The following FGF1 variants were observed in gnomAD, a reference collection of about 807,000 sequenced individuals.
FGF1 encodes the protein fibroblast growth factor 1.
A neutral mutation model predicts 13.4 loss-of-function variants in FGF1; 9 were observed. The ratio of observed to expected loss-of-function variants is 0.67; its 90% CI spans 0.40 to 1.17. FGF1 has a LOEUF of 1.17. Ranked by LOEUF, FGF1 falls within the 50% of genes most tolerant of loss-of-function variation. The pLI is 0.01. For missense variants in FGF1, 156 were observed against 192.7 expected, an observed-to-expected ratio of 0.81 and a Z score of 1.13; for synonymous variants, 93 against 79.0, an observed-to-expected ratio of 1.18 and a Z score of -0.94.
intron 1 of FGF1, chr5:142,680,726 G>A (rs1773558187): frequency 6.6e-6 from 1 of 152,204 alleles, no homozygotes; most frequent in Non-Finnish European, 1.5e-5. Context: ...ATTTCAGGAA[G>A]AAGTGATGAC....
At chr5:142,616,976 A>G (rs977121052) in intron 1 of FGF1, among the ~76,000 whole-genome samples, 1 of 152,230 alleles carries the variant, frequency 6.6e-6, no homozygotes, top group African/African-American at 2.4e-5. Context: ...TGTATTGTCA[A>G]TCTTAGGTGG....
At chr5:142,604,760 G>A (rs1015937673) in intron 2 of FGF1, among the ~76,000 whole-genome samples, 3 of 152,162 alleles carry the variant, frequency 2.0e-5, no homozygotes, top group African/African-American at 7.2e-5. Flanking sequence ...CTTCTAAGAA[G>A]GGGAAAAATC....
At chr5:142,678,123 T>A (rs1194721885) in intron 1 of FGF1, among the ~76,000 whole-genome samples, 1 of 152,040 alleles carries the variant, frequency 6.6e-6, no homozygotes, top group African/African-American at 2.4e-5. Context: ...TGGGTTGGTG[T>A]GATGTCGGAT....
At chr5:142,674,894 G>A (rs1313301330) in intron 1 of FGF1, among the ~76,000 whole-genome samples, 2 of 152,144 alleles carry the variant, frequency 1.3e-5, no homozygotes, top group African/African-American at 2.4e-5. Flanking sequence ...TGGAGGGAAC[G>A]AGAAGCCATA....
Position 142,673,160 on chromosome 5 carries a change from T to G in FGF1, c.-35+12797A>C, listed in dbSNP as rs918483183. Among the ~76,000 whole-genome samples the G allele has an allele frequency of 8.5e-5, 13 of 152,124 alleles. 1 individual carries two copies. On this transcript the variant is annotated intron_variant, in intron 1 of 3. Coordinates refer to ENST00000337706, the MANE Select transcript of FGF1 (RefSeq NM_000800.5). Reference sequence around the variant, plus strand: ...TTTTCTTGGAGAGCACGGAAAACTGTTCAGGCTATTCAGGCATCTAAAGTC... The same window carrying G: ...TTTTCTTGGAGAGCACGGAAAACTGGTCAGGCTATTCAGGCATCTAAAGTC...
chr5:142,603,786 T>C (rs1757083944), intron 2 of FGF1, among the ~76,000 whole-genome samples: 1 of 152,218 alleles, frequency 6.6e-6, no homozygotes, highest in African/African-American at 2.4e-5. Context: ...TGAGTGATCT[T>C]GGCTAGGCTG....
At chr5:142,678,399 G>A (rs1399503789) in intron 1 of FGF1, among the ~76,000 whole-genome samples, 1 of 152,212 alleles carries the variant, frequency 6.6e-6, no homozygotes, top group African/African-American at 2.4e-5. Flanking sequence ...AGTGATGGAT[G>A]TGTTTGCCTC....
intron 1 of FGF1, among the ~76,000 whole-genome samples, chr5:142,621,939 C>T (rs1451354034): frequency 2.6e-5 from 4 of 152,246 alleles, no homozygotes; most frequent in Non-Finnish European, 4.4e-5. Context: ...GAAAGCCTTT[C>T]CTGTCTTCCC....
intron 1 of FGF1, among the ~76,000 whole-genome samples, chr5:142,673,846 A>G (rs567106861): frequency 6.6e-6 from 1 of 152,242 alleles, no homozygotes; most frequent in East Asian, 1.9e-4. Context: ...GCTACATCCA[A>G]CACGCCCAGT....
intron 1 of FGF1, among the ~76,000 whole-genome samples, chr5:142,669,187 G>A (rs1346975254): frequency 6.6e-6 from 1 of 152,242 alleles, no homozygotes; most frequent in East Asian, 1.9e-4. Context: ...GCAAGCAAAT[G>A]AAAGTGGAGC....
intron 1 of FGF1, among the ~76,000 whole-genome samples, chr5:142,646,669 T>A (rs560016062): frequency 6.6e-5 from 10 of 151,182 alleles, no homozygotes; most frequent in Non-Finnish European, 1.2e-4. Context: ...TTTTTTATAG[T>A]TTTTAGTAGA....
At position 142,595,099 on chromosome 5, in the gene FGF1, G is replaced by T. The variant is rs1754974427; in HGVS notation, c.*191C>A. 4 of 548,616 alleles carry T rather than the reference G, an allele frequency of 7.3e-6. No individual in the cohort carries two copies. The highest frequency in any genetic ancestry group is 1.9e-5 in the African/African-American group (1 of 52,344). 34.0% of individuals were successfully genotyped at this position (548,616 alleles called of 1,614,324 possible). A position where few individuals can be genotyped will look rare whatever the true frequency, so the allele number is the denominator to read the frequency against. The stretch of plus-strand genomic sequence containing the variant: ...CTCCTAGAAGCAATTTGGTCCCTCT[G>T]TTCTAAACTGTGCAGGGGTAAAAGG... On this transcript the variant is annotated 3_prime_UTR_variant, in exon 4 of 4. Coordinates refer to ENST00000337706, the MANE Select transcript of FGF1 (RefSeq NM_000800.5).
chr5:142,613,936 G>T lies in FGF1; in HGVS notation c.169+23C>A. 5 of 1,608,994 alleles carry T rather than the reference G, an allele frequency of 3.1e-6. 1 individual carries two copies. Among genetic ancestry groups the T allele is most frequent in the Middle Eastern group, 3.8e-4 (2 of 5,284 alleles). On this transcript the variant is annotated intron_variant, in intron 2 of 3. Transcript: ENST00000337706. ...ACAGAAGATGTCAGAAAGGGAAGGG[G>T]GGTGCCATAGAGATGGGCTTACTGT...
chr5:142,658,482 CT>C (rs199949019), intron 1 of FGF1, among the ~76,000 whole-genome samples: 1 of 152,318 alleles, frequency 6.6e-6, no homozygotes, highest in East Asian at 1.9e-4. Flanking sequence ...CTGGTTGCAA[CT>C]TTTTTTCATT....
intron 2 of FGF1, among the ~76,000 whole-genome samples, chr5:142,691,370 C>T (rs986155859): frequency 3.3e-5 from 5 of 150,338 alleles, no homozygotes; most frequent in African/African-American, 4.9e-5. Flanking sequence ...TGCAGTGAGC[C>T]GAGATAGTGT....
At chr5:142,674,145 T>G (rs1386422738) in intron 1 of FGF1, among the ~76,000 whole-genome samples, 2 of 152,174 alleles carry the variant, frequency 1.3e-5, no homozygotes, top group Non-Finnish European at 2.9e-5. Flanking sequence ...CCCCTCCCAA[T>G]GTATAATAGC....
intron 1 of FGF1, among the ~76,000 whole-genome samples, chr5:142,623,801 A>G (rs72794723): frequency 0.056 from 8,378 of 148,878 alleles, 236 homozygotes; most frequent in Middle Eastern, 0.12. Flanking sequence ...TGGAGTGCAG[A>G]GTGCAGTGTA....
chr5:142,645,971 C>T (rs950138249), intron 1 of FGF1, among the ~76,000 whole-genome samples: 16 of 152,154 alleles, frequency 1.1e-4, no homozygotes, highest in African/African-American at 2.7e-4. Context: ...CGCAGTGGTG[C>T]GATCTTGGCT....
chr5:142,672,756 C>T (rs993052888), intron 1 of FGF1, among the ~76,000 whole-genome samples: 2 of 152,136 alleles, frequency 1.3e-5, no homozygotes, highest in African/African-American at 4.8e-5. Context: ...CTTCCTGCCT[C>T]GGCCTCCCAA....
Sources: allele counts gnomAD v4.1 joint callset (sites outside exome capture counted in the v4.1 genomes callset), GRCh38; gene constraint gnomAD v4.1.1; transcripts MANE v1.5; gene names NCBI Gene and HGNC (gene_info 2026-07-23, HGNC 2026-07-21).